The following MYH10 variants were observed in gnomAD, a reference collection of about 807,000 sequenced individuals.
The protein encoded by MYH10 is myosin heavy chain 10.
Under a neutral mutation model 257.8 loss-of-function variants are expected in MYH10, and 55 were observed. The observed-to-expected ratio is 0.21, with a 90% confidence interval of 0.17 to 0.27. The LOEUF (loss-of-function observed/expected upper bound fraction) is 0.27. Ranked by LOEUF, MYH10 falls within the 10% of genes least tolerant of loss-of-function variation. MYH10 has a pLI of 1.00. For synonymous variants in MYH10, 854 were observed against 921.7 expected, an observed-to-expected ratio of 0.93 and a Z score of 1.33; for missense variants, 1,631 against 2,500.6, an observed-to-expected ratio of 0.65 and a Z score of 7.42.
chr17:8,611,189 T>C (rs903208300), intron 2 of MYH10, among the ~76,000 whole-genome samples: 7 of 151,998 alleles, frequency 4.6e-5, no homozygotes, highest in Admixed American at 2.6e-4. Context: ...ACCCTAAGAG[T>C]TAAGACTATA....
At chr17:8,515,025 C>G (rs569282374) in intron 21 of MYH10, among the ~76,000 whole-genome samples, 6 of 152,244 alleles carry the variant, frequency 3.9e-5, no homozygotes, top group Non-Finnish European at 7.4e-5. Flanking sequence ...CGGCTGCGCT[C>G]CCACCTAGAC....
In MYH10 at chr17:8,504,982, CCT is replaced by C; in HGVS notation, c.3387-78_3387-77del. The C allele has an allele frequency of 2.4e-6, 3 of 1,237,510 alleles. No individual in the cohort carries two copies. Among genetic ancestry groups the C allele is most frequent in the South Asian group, 1.3e-5 (1 of 77,416 alleles). The allele number at this position is 1,237,510 out of a possible 1,614,324, so 76.7% of individuals were successfully genotyped here. A position where few individuals can be genotyped will look rare whatever the true frequency, so the allele number is the denominator to read the frequency against. On this transcript the variant is annotated intron_variant, in intron 27 of 42. Transcript: ENST00000360416. The surrounding 1 kb of genome is among the most constrained non-coding windows in gnomAD (Gnocchi z 5.6). ...CCTGTTTCTCAGGCGAGCCCCAGCC[CCT>C]GAGCACCTCTCCACGAGACCCCAGC...
Position 8,499,301 on chromosome 17 carries a change from A to G in MYH10, c.3920T>C (p.Val1307Ala). The G allele has an allele frequency of 6.2e-7, 1 of 1,613,976 alleles. No homozygotes were observed. The highest frequency in any genetic ancestry group is 8.5e-7 in the Non-Finnish European group (1 of 1,179,978). Residue 1307 changes from valine to alanine, a missense_variant, in exon 30 of 43, where the codon GTG becomes GCG. Val to Ala is a moderately conservative substitution (Grantham distance 64). This residue lies in a region of MYH10 where 463 missense variants were observed against 621.8 expected (regional missense o/e 0.74). Coordinates refer to ENST00000360416, the MANE Select transcript of MYH10 (RefSeq NM_001256012.3). ...CTTACTTGCTTTCTCCGCCAGCTCCACCCTGAGCCTGTCGCCTTCAGAGAC... is the reference window on the plus strand; with the variant it reads ...CTTACTTGCTTTCTCCGCCAGCTCCGCCCTGAGCCTGTCGCCTTCAGAGAC... ...AKVSEGDRLR[V>A]ELAEKASKLQ... is the part of the protein sequence containing the mutation.
intron 5 of MYH10, 108 bp from the exon 6 acceptor site, chr17:8,576,780 G>A: frequency 6.9e-6 from 7 of 1,008,340 alleles, no homozygotes; most frequent in Non-Finnish European, 1.0e-5. Flanking sequence ...AACTGTGGAA[G>A]CTGGGTTGGC....
In MYH10 at chr17:8,490,996, G is replaced by C. The variant is rs1567786970; in HGVS notation, c.4672-444C>G. On this transcript the variant is annotated intron_variant, in intron 34 of 42. Coordinates refer to ENST00000360416, the MANE Select transcript of MYH10 (RefSeq NM_001256012.3). The surrounding 1 kb of genome is among the most constrained non-coding windows in gnomAD (Gnocchi z 4.1). ...GTGGAAACTGCTGATTATTAGGGTG[G>C]CTTGGGCCTAAGAAGCAGGGCACAG... Among the ~76,000 whole-genome samples, 1 of 152,208 alleles carries C rather than the reference G, an allele frequency of 6.6e-6. No individual in the cohort carries two copies. Among genetic ancestry groups the C allele is most frequent in the Non-Finnish European group, 1.5e-5 (1 of 68,054 alleles).
chr17:8,516,938 A>T (rs962622315), intron 21 of MYH10, among the ~76,000 whole-genome samples: 15 of 152,102 alleles, frequency 9.9e-5, no homozygotes, highest in African/African-American at 3.6e-4. Context: ...GGAGATCGAG[A>T]CCATCCTGGC....
intron 13 of MYH10, among the ~76,000 whole-genome samples, chr17:8,544,676 G>T (rs1181542347): frequency 6.6e-6 from 1 of 151,960 alleles, no homozygotes; most frequent in Non-Finnish European, 1.5e-5. Flanking sequence ...TATTTGTGCC[G>T]TACTATATTT....
chr17:8,501,898 G>A (rs1422887835), intron 28 of MYH10, among the ~76,000 whole-genome samples: 1 of 152,186 alleles, frequency 6.6e-6, no homozygotes, highest in East Asian at 1.9e-4. Flanking sequence ...AATAACCAGA[G>A]TTATTCACTG....
rs149807690 is a variant in MYH10, at chr17:8,546,669, T to C, written c.1160-7A>G. The C allele has an allele frequency of 5.1e-4, 820 of 1,608,688 alleles. 23 individuals are homozygous for C. The East Asian group carries it at 0.018, about 35-fold the overall frequency. On this transcript the variant is annotated splice_region_variant and splice_polypyrimidine_tract_variant and intron_variant, in intron 11 of 42. Transcript: ENST00000360416. ...TGGCAGAGCTTCTGCGCAACTGAAG[T>C]GTAAAAAGTCTCCTAAATCCTACAT... is the stretch of plus-strand genomic sequence containing the variant.
intron 4 of MYH10, among the ~76,000 whole-genome samples, chr17:8,582,923 T>G (rs2152032827): frequency 6.6e-6 from 1 of 152,356 alleles, no homozygotes; most frequent in East Asian, 1.9e-4. Context: ...CTTGAAGTTC[T>G]TGTTTTAGAT....
intron 17 of MYH10, among the ~76,000 whole-genome samples, chr17:8,525,387 C>T (rs1054845388): frequency 3.3e-5 from 5 of 152,350 alleles, no homozygotes; most frequent in South Asian, 2.1e-4. Flanking sequence ...CTCAGGGCCC[C>T]GAAAGCTGTG....
chr17:8,570,133 T>C (rs2083289111), intron 6 of MYH10, among the ~76,000 whole-genome samples: 1 of 152,170 alleles, frequency 6.6e-6, no homozygotes, highest in Admixed American at 6.5e-5. Flanking sequence ...TTTCATGAAA[T>C]GAAATTTAGC....
At chr17:8,618,420 G>C (rs1567988938) in intron 2 of MYH10, among the ~76,000 whole-genome samples, 2 of 152,174 alleles carry the variant, frequency 1.3e-5, no homozygotes, top group East Asian at 3.9e-4. Flanking sequence ...TGTATTTTTA[G>C]TAGAGACAGG....
At chr17:8,594,607 T>G (rs1318727541) in intron 3 of MYH10, among the ~76,000 whole-genome samples, 1 of 152,200 alleles carries the variant, frequency 6.6e-6, no homozygotes, top group Non-Finnish European at 1.5e-5. Context: ...TGAAAACTTA[T>G]GCTCACACAA....
At position 8,545,611 on chromosome 17, in the gene MYH10, A is replaced by G. The variant is rs2082419281; in HGVS notation, c.1279-11T>C. On this transcript the variant is annotated splice_polypyrimidine_tract_variant and intron_variant, in intron 12 of 42. Transcript: ENST00000360416. This position sits in a 1 kb window ranked among gnomAD's most constrained non-coding sequence, Gnocchi z 4.7. ...TACTGCAAAATCTGCCTGTAATTAAATCACAACAACCTTTTATTCTGGAAA... is the reference window on the plus strand; with the variant it reads ...TACTGCAAAATCTGCCTGTAATTAAGTCACAACAACCTTTTATTCTGGAAA... The G allele has an allele frequency of 6.8e-6, 11 of 1,606,546 alleles. No homozygotes were observed. The highest frequency in any genetic ancestry group is 9.3e-6 in the Non-Finnish European group (11 of 1,177,938).
At position 8,622,939 on chromosome 17, in the gene MYH10, T is replaced by A. The variant is rs994861913; in HGVS notation, c.308A>T (p.His103Leu). 6.2e-7 allele frequency: 1 copy of A among 1,614,154 alleles called. No individual in the cohort carries two copies. Among genetic ancestry groups the A allele is most frequent in the Middle Eastern group, 1.6e-4 (1 of 6,062 alleles). ...LTCLNEASVL[H>L]NLKDRYYSGL... ...TGAATAGTAGCGATCCTTCAGATTA[T>A]GTAAAACGGAAGCTTCATTCAAGCA... The change falls in exon 2 of 43, where the codon CAT becomes CTT. Residue 103 changes from histidine to leucine, a missense_variant. By Grantham distance (99) the His-to-Leu change is moderately conservative (BLOSUM62 -3). Around this residue, in one of 11 missense-constraint regions of MYH10, gnomAD observed 360 missense variants for 581.9 expected, o/e 0.62. Coordinates refer to ENST00000360416, the MANE Select transcript of MYH10 (RefSeq NM_001256012.3).
rs553844407 is a variant in MYH10 at position 8,499,315 on chromosome 17, G to A, written c.3906C>T (p.Gly1302=). The A allele has an allele frequency of 1.4e-5, 22 of 1,614,022 alleles. No homozygotes were observed. In the East Asian group the frequency reaches 2.9e-4, roughly 21 times the overall value. The change falls in exon 30 of 43, where the codon GGC becomes GGT. Residue 1302 remains glycine, a synonymous_variant. Coordinates refer to ENST00000360416, the MANE Select transcript of MYH10 (RefSeq NM_001256012.3). The stretch of plus-strand genomic sequence containing the variant: ...CCGCCAGCTCCACCCTGAGCCTGTC[G>A]CCTTCAGAGACCTTGGCATGGAGCT... ...VQELHAKVSE[G]DRLRVELAEK... is the part of the protein sequence containing the mutation.
chr17:8,476,559 T>G (rs1273971363), intron 42 of MYH10, among the ~76,000 whole-genome samples: 2 of 152,216 alleles, frequency 1.3e-5, no homozygotes, highest in Non-Finnish European at 2.9e-5. Flanking sequence ...GAGGAGCTCC[T>G]GCCCTGCTTT....
intron 3 of MYH10, among the ~76,000 whole-genome samples, chr17:8,595,654 C>G (rs997632203): frequency 2.3e-4 from 35 of 152,186 alleles, no homozygotes; most frequent in African/African-American, 7.5e-4. Flanking sequence ...TGGTCTTGAA[C>G]TCCCAACCTC....
Sources: gnomAD v4.1 joint callset for allele counts (sites outside exome capture counted in the v4.1 genomes callset) on GRCh38, gnomAD v4.1.1 for gene constraint, gnomAD v4.1.1 regional missense constraint, Gnocchi (gnomAD v3.1) non-coding constraint, MANE v1.5 for transcripts, NCBI Gene and HGNC (gene_info 2026-07-23, HGNC 2026-07-21) for gene names.